DPH6: variants seen among roughly 807,000 people sequenced by gnomAD.
DPH6 encodes diphthine--ammonia ligase.
Under a neutral mutation model 38.2 loss-of-function variants are expected in DPH6, and 33 were observed. The ratio of observed to expected loss-of-function variants is 0.86; its 90% CI spans 0.65 to 1.15. DPH6 has a LOEUF of 1.15. DPH6 is among the 50% of genes most tolerant of loss of function. The pLI is 0.00. For missense variants in DPH6, 325 were observed against 320.0 expected, an observed-to-expected ratio of 1.02 and a Z score of -0.12; for synonymous variants, 108 against 103.0, an observed-to-expected ratio of 1.05 and a Z score of -0.30.
intron 3 of DPH6, among the ~76,000 whole-genome samples, chr15:35,283,161 C>T (rs1269789552): frequency 2.0e-5 from 3 of 147,196 alleles, no homozygotes; most frequent in African/African-American, 7.6e-5. Context: ...TCTTTTCCCT[C>T]CCCCTCCCCC....
At chr15:35,265,946 C>T (rs953838129) in intron 3 of DPH6, among the ~76,000 whole-genome samples, 2 of 152,102 alleles carry the variant, frequency 1.3e-5, no homozygotes, top group African/African-American at 4.8e-5. Flanking sequence ...GCTACTTCTA[C>T]AAACAATTTA....
At chr15:35,354,375 G>T (rs368407002) in intron 3 of DPH6, among the ~76,000 whole-genome samples, 3 of 152,142 alleles carry the variant, frequency 2.0e-5, no homozygotes, top group African/African-American at 7.2e-5. Context: ...CAAAGGGAAT[G>T]CTTCCAGTTT....
intron 4 of DPH6, among the ~76,000 whole-genome samples, chr15:35,454,545 G>A (rs536910176): frequency 1.6e-4 from 24 of 151,938 alleles, no homozygotes; most frequent in African/African-American, 5.5e-4. Context: ...CACTAAATAA[G>A]TTAAGTTTCC....
chr15:35,534,366 T>A (rs1255318160), intron 3 of DPH6, among the ~76,000 whole-genome samples: 39 of 118,074 alleles, frequency 3.3e-4, no homozygotes, highest in Non-Finnish European at 3.9e-4. Flanking sequence ...AACAAGAGCG[T>A]AACTCTGTCT....
intron 6 of DPH6, among the ~76,000 whole-genome samples, chr15:35,391,799 T>C (rs1205384582): frequency 2.0e-5 from 3 of 152,134 alleles, no homozygotes; most frequent in African/African-American, 7.2e-5. Context: ...CCAGGTGAGG[T>C]GATGCCTCGC....
downstream of DPH6, among the ~76,000 whole-genome samples, chr15:35,329,684 G>T (rs1298167103): frequency 6.6e-6 from 1 of 152,116 alleles, no homozygotes; most frequent in Admixed American, 6.5e-5. Context: ...ATTTGGGAAA[G>T]AAATACATTG....
chr15:35,391,447 C>T (rs1033431385), intron 6 of DPH6, among the ~76,000 whole-genome samples: 1 of 152,170 alleles, frequency 6.6e-6, no homozygotes, highest in African/African-American at 2.4e-5. Flanking sequence ...GAGGTGGAGC[C>T]TACAGAGGCA....
chr15:35,241,051 C>T (rs1457228198), intron 3 of DPH6, among the ~76,000 whole-genome samples: 4 of 143,204 alleles, frequency 2.8e-5, no homozygotes, highest in African/African-American at 1.0e-4. Context: ...CTACACGTGC[C>T]GGAAATCTGA....
At position 35,313,240 on chromosome 15, in the gene DPH6, AT is replaced by A. The variant is rs370160874; in HGVS notation, n.200+60280del. Among the ~76,000 whole-genome samples, 874 of 142,062 alleles carry A rather than the reference AT, an allele frequency of 6.2e-3. 7 individuals are homozygous for A. The highest frequency in any genetic ancestry group is 0.011 in the East Asian group (56 of 4,912). 93.2% of individuals were successfully genotyped at this position (142,062 alleles called of 152,430 possible). ...AGAGTGAGACTCAGTTTAAAAAAAA[AT>A]TTTTTTTTTTTTTTTAAATCAGGTA... On this transcript the variant is annotated intron_variant and non_coding_transcript_variant, in intron 3 of 3. Coordinates refer to the DPH6 transcript ENST00000560386.
At chr15:35,359,237 C>T (rs1488198237) in intron 3 of DPH6, among the ~76,000 whole-genome samples, 4 of 152,078 alleles carry the variant, frequency 2.6e-5, no homozygotes, top group Admixed American at 6.5e-5. Flanking sequence ...ACCATGTCCC[C>T]TCAACACCCC....
chr15:35,235,367 C>T (rs2051543889), intron 3 of DPH6, among the ~76,000 whole-genome samples: 1 of 152,166 alleles, frequency 6.6e-6, no homozygotes, highest in Admixed American at 6.5e-5. Context: ...CCTGTCCTGA[C>T]CTTCGTTTAT....
downstream of DPH6, among the ~76,000 whole-genome samples, chr15:35,327,596 C>T (rs547286118): frequency 1.3e-5 from 2 of 152,170 alleles, no homozygotes; most frequent in African/African-American, 2.4e-5. Context: ...CTGCCCACCT[C>T]GGCCTCCCCA....
At position 35,310,974 on chromosome 15, in the gene DPH6, G is replaced by T. The variant is rs577945651; in HGVS notation, n.200+62547C>A. 2.4e-3 allele frequency among the ~76,000 whole-genome samples: 360 copies of T among 151,694 alleles called. 1 individual carries two copies. Among genetic ancestry groups the T allele is most frequent in the African/African-American group, 8.2e-3 (337 of 41,336 alleles). On this transcript the variant is annotated intron_variant and non_coding_transcript_variant, in intron 3 of 3. Transcript: ENST00000560386. Reference sequence around the variant, plus strand: ...CTCAGAAGGCTGAGGCAGGAGAATCGCTTGAACCCGGGAGGAGGAGGTTGC... The same window carrying T: ...CTCAGAAGGCTGAGGCAGGAGAATCTCTTGAACCCGGGAGGAGGAGGTTGC...
chr15:35,484,336 G>A (rs550768752), intron 3 of DPH6, among the ~76,000 whole-genome samples: 98 of 152,326 alleles, frequency 6.4e-4, no homozygotes, highest in African/African-American at 2.3e-3. Flanking sequence ...CACAGATTCT[G>A]TGCTTTAGGA....
At chr15:35,480,024 T>C (rs1483577461) in intron 3 of DPH6, among the ~76,000 whole-genome samples, 3 of 151,608 alleles carry the variant, frequency 2.0e-5, no homozygotes, top group Admixed American at 2.0e-4. Context: ...TCTTTCTGAG[T>C]AGTGAAAACA....
In DPH6 at chr15:35,520,365, T is replaced by C. The variant is rs1036806698; in HGVS notation, c.312+17909A>G. On this transcript the variant is annotated intron_variant, in intron 3 of 8. Coordinates refer to ENST00000256538, the MANE Select transcript of DPH6 (RefSeq NM_080650.4). ...CATAGACATGCATTTTGTGCTATTATACAACAGTATCAGGATGTAAAATAA... is the reference window on the plus strand; with the variant it reads ...CATAGACATGCATTTTGTGCTATTACACAACAGTATCAGGATGTAAAATAA... The C allele has an allele frequency of 1.4e-5, 14 of 983,680 alleles. No individual in the cohort carries two copies. The African/African-American group carries it at 2.3e-4, about 16-fold the overall frequency. The allele number at this position is 983,680 out of a possible 1,614,324, so 60.9% of individuals were successfully genotyped here.
intron 3 of DPH6, among the ~76,000 whole-genome samples, chr15:35,355,234 T>C (rs1182514898): frequency 1.3e-5 from 2 of 152,214 alleles, no homozygotes; most frequent in African/African-American, 4.8e-5. Context: ...CTTGACTCTT[T>C]ATCCAATTTG....
At chr15:35,211,935 C>T in the DPH6 span, among the ~76,000 whole-genome samples, 2 of 152,214 alleles carry the variant, frequency 1.3e-5, no homozygotes, top group Non-Finnish European at 2.9e-5. Flanking sequence ...TTCGGCTCTA[C>T]ATACATCACC....
chr15:35,332,343 GA>G (rs2052332682), intron 3 of DPH6, among the ~76,000 whole-genome samples: 1 of 152,086 alleles, frequency 6.6e-6, no homozygotes, highest in Non-Finnish European at 1.5e-5. Flanking sequence ...TGCTAAAAGA[GA>G]GAAAGAAAAA....
Sources: allele counts gnomAD v4.1 joint callset (sites outside exome capture counted in the v4.1 genomes callset), GRCh38; gene constraint gnomAD v4.1.1; transcripts MANE v1.5; gene names NCBI Gene and HGNC (gene_info 2026-07-23, HGNC 2026-07-21).